NELL1: variants seen among roughly 807,000 people sequenced by gnomAD.
The protein encoded by NELL1 is neural EGFL like 1.
NELL1 carries 76 observed loss-of-function variants against 107.4 expected under a neutral mutation model. The observed-to-expected ratio is 0.71, with a 90% confidence interval of 0.59 to 0.86. The LOEUF (loss-of-function observed/expected upper bound fraction) is 0.86. Ranked by LOEUF, NELL1 falls within the 40% of genes least tolerant of loss-of-function variation. NELL1 has a pLI of 0.00. For synonymous variants in NELL1, 353 were observed against 341.2 expected (o/e 1.03, Z -0.38); for missense variants, 1,024 against 1,005.5 (o/e 1.02, Z -0.25).
intron 13 of NELL1, among the ~76,000 whole-genome samples, chr11:21,156,625 C>T (rs979893173): frequency 1.3e-5 from 2 of 152,008 alleles, no homozygotes; most frequent in Admixed American, 6.6e-5. Context: ...TGGCAGTACC[C>T]AGCAGGTGAT....
At chr11:21,019,522 G>C (rs1046305454) in intron 12 of NELL1, among the ~76,000 whole-genome samples, 2 of 151,938 alleles carry the variant, frequency 1.3e-5, no homozygotes, top group African/African-American at 4.8e-5. Context: ...TTCTCAACTG[G>C]GGGCAATTTT....
intron 5 of NELL1, among the ~76,000 whole-genome samples, chr11:20,895,333 C>T (rs142130716): frequency 8.1e-6 from 1 of 123,822 alleles, no homozygotes; most frequent in Admixed American, 8.9e-5. Flanking sequence ...TCCTTCTGTC[C>T]TACTGTGTAT....
intron 15 of NELL1, among the ~76,000 whole-genome samples, chr11:21,397,882 G>A (rs1852015598): frequency 6.6e-6 from 1 of 151,554 alleles, no homozygotes; most frequent in Non-Finnish European, 1.5e-5. Flanking sequence ...TCCACCATGT[G>A]AGGTTAGAGT....
chr11:20,715,095 A>G (rs1855211779), intron 2 of NELL1, among the ~76,000 whole-genome samples: 1 of 152,032 alleles, frequency 6.6e-6, no homozygotes, highest in Non-Finnish European at 1.5e-5. Context: ...TAAAAAAAAA[A>G]TTAGCTGGGC....
intron 2 of NELL1, among the ~76,000 whole-genome samples, chr11:20,687,031 A>G (rs1590204408): frequency 2.5e-5 from 3 of 119,278 alleles, no homozygotes; most frequent in Non-Finnish European, 5.2e-5. Flanking sequence ...CTGTTTTGGG[A>G]TCTCTCTCTC....
chr11:20,903,860 TGAATGCTGAATCAA>T (rs1231823350), intron 5 of NELL1, among the ~76,000 whole-genome samples: 1 of 152,036 alleles, frequency 6.6e-6, no homozygotes, highest in African/African-American at 2.4e-5. Flanking sequence ...AGCAACCGAG[TGAATGCTGAATCAA>T]GAAAAAGGCA....
intron 12 of NELL1, among the ~76,000 whole-genome samples, chr11:21,059,992 C>T (rs1853701059): frequency 6.6e-6 from 1 of 152,134 alleles, no homozygotes; most frequent in Admixed American, 6.5e-5. Flanking sequence ...TTCTCAAGAG[C>T]CCATCTGCCT....
chr11:21,185,326 G>A (rs189037364), intron 13 of NELL1, among the ~76,000 whole-genome samples: 12 of 105,664 alleles, frequency 1.1e-4, no homozygotes, highest in Admixed American at 6.8e-4. Flanking sequence ...GTGAAATTTC[G>A]CTCTTGTTGC....
intron 4 of NELL1, among the ~76,000 whole-genome samples, chr11:20,864,247 T>C (rs1849053812): frequency 2.0e-5 from 3 of 151,902 alleles, no homozygotes; most frequent in African/African-American, 7.3e-5. Flanking sequence ...TATATATACA[T>C]TGTGGAATGG....
intron 15 of NELL1, among the ~76,000 whole-genome samples, chr11:21,412,504 G>A (rs565735791): frequency 2.0e-4 from 31 of 152,172 alleles, no homozygotes; most frequent in East Asian, 1.9e-3. Context: ...AAATCACCCA[G>A]TTAATAAATG....
At chr11:21,068,807 C>T (rs1389831058) in intron 12 of NELL1, among the ~76,000 whole-genome samples, 2 of 152,278 alleles carry the variant, frequency 1.3e-5, no homozygotes. Flanking sequence ...GCAGAACTAC[C>T]TTTTGAATAC....
intron 12 of NELL1, among the ~76,000 whole-genome samples, chr11:20,979,362 G>A (rs1055105746): frequency 1.3e-5 from 2 of 152,082 alleles, no homozygotes; most frequent in African/African-American, 2.4e-5. Flanking sequence ...AGATATGTCA[G>A]TGTGTGTGTG....
intron 12 of NELL1, among the ~76,000 whole-genome samples, chr11:21,061,177 C>T (rs1853732973): frequency 6.6e-6 from 1 of 152,180 alleles, no homozygotes; most frequent in Non-Finnish European, 1.5e-5. Context: ...GTAAACAAGA[C>T]AGATAAAGCC....
At chr11:20,851,276 C>T (rs747091349) in intron 4 of NELL1, among the ~76,000 whole-genome samples, 111 of 152,236 alleles carry the variant, frequency 7.3e-4, no homozygotes, top group Non-Finnish European at 1.4e-3. Context: ...GAAAAGCAAA[C>T]GCTATTTTAG....
At chr11:21,344,216 G>A (rs570657445) in intron 14 of NELL1, among the ~76,000 whole-genome samples, 4 of 152,292 alleles carry the variant, frequency 2.6e-5, no homozygotes, top group Admixed American at 6.5e-5. Flanking sequence ...ATTGAAAGCT[G>A]TGTAACTAAG....
At chr11:20,982,540 T>C (rs898467943) in intron 12 of NELL1, among the ~76,000 whole-genome samples, 1 of 152,204 alleles carries the variant, frequency 6.6e-6, no homozygotes, top group Admixed American at 6.5e-5. Flanking sequence ...ATGGTAGTAA[T>C]GATGTTCATC....
At chr11:21,448,371 A>G (rs1203705190) in intron 15 of NELL1, among the ~76,000 whole-genome samples, 2 of 152,028 alleles carry the variant, frequency 1.3e-5, no homozygotes, top group Non-Finnish European at 2.9e-5. Context: ...TGTTTTCTTC[A>G]CATTTTGTTC....
chr11:21,540,017 A>G (rs1468591321), intron 16 of NELL1, among the ~76,000 whole-genome samples: 2 of 151,886 alleles, frequency 1.3e-5, no homozygotes, highest in African/African-American at 4.8e-5. Context: ...CTAGATTGAC[A>G]CCATTTTCTA....
chr11:21,240,811 T>C (rs572235021), intron 14 of NELL1, among the ~76,000 whole-genome samples: 2 of 151,768 alleles, frequency 1.3e-5, no homozygotes, highest in East Asian at 3.9e-4. Context: ...TAAAACACTT[T>C]CCATCACTTT....
Sources: gnomAD v4.1 joint callset for allele counts (sites outside exome capture counted in the v4.1 genomes callset) on GRCh38, gnomAD v4.1.1 for gene constraint, MANE v1.5 for transcripts, NCBI Gene and HGNC (gene_info 2026-07-23, HGNC 2026-07-21) for gene names.